HERPUD2: variants seen among roughly 807,000 people sequenced by gnomAD.
HERPUD2 encodes HERPUD family member 2.
A neutral mutation model predicts 49.9 loss-of-function variants in HERPUD2; 13 were observed. That is an observed-to-expected ratio of 0.26 (90% CI 0.17 to 0.41). The LOEUF (loss-of-function observed/expected upper bound fraction) is 0.41, where lower values mean the gene tolerates loss of function less well. Ranked by LOEUF, HERPUD2 falls within the 10% of genes least tolerant of loss-of-function variation. HERPUD2 has a pLI of 1.00. For missense variants in HERPUD2, 449 were observed against 492.2 expected (o/e 0.91, Z 0.83); for synonymous variants, 172 against 171.4 (o/e 1.00, Z -0.03).
intron 5 of HERPUD2, 131 bp from the exon 6 acceptor site, chr7:35,638,603 A>G (rs1281586890): frequency 2.2e-6 from 2 of 923,668 alleles, no homozygotes; most frequent in African/African-American, 1.7e-5. Flanking sequence ...AAAAATACTT[A>G]CTTTCAACGA....
At chr7:35,690,422 A>G (rs1786153246) in intron 2 of HERPUD2, among the ~76,000 whole-genome samples, 2 of 152,248 alleles carry the variant, frequency 1.3e-5, no homozygotes, top group South Asian at 4.1e-4. Flanking sequence ...CCCTTCACAG[A>G]TCATTAAGGA....
chr7:35,658,360 G>T (rs1785328753), intron 5 of HERPUD2, among the ~76,000 whole-genome samples: 1 of 152,158 alleles, frequency 6.6e-6, no homozygotes, highest in African/African-American at 2.4e-5. Context: ...AGGTGATGAA[G>T]GGAAGATGAA....
chr7:35,692,442 G>A (rs555392087), intron 2 of HERPUD2, among the ~76,000 whole-genome samples: 27 of 152,308 alleles, frequency 1.8e-4, no homozygotes, highest in African/African-American at 6.5e-4. Context: ...TATTATGGAA[G>A]TCTATGACTT....
chr7:35,640,153 T>C (rs1226816837), intron 5 of HERPUD2, among the ~76,000 whole-genome samples: 9 of 152,232 alleles, frequency 5.9e-5, no homozygotes, highest in Admixed American at 4.6e-4. Context: ...TTTGTACAAC[T>C]CAGCATTTAC....
chr7:35,667,507 A>G lies in HERPUD2; in HGVS notation c.421T>C (p.Leu141=). ...SLAVGSSSEG[L]RQRTLPQAQT... The stretch of plus-strand genomic sequence containing the variant: ...GCTTGTGGAAGGGTACGCTGCCTCA[A>G]TCCTTCTGAGGAAGAACCCACAGCT... Residue 141 remains leucine (L), a synonymous_variant, in exon 5 of 9, where the codon TTG becomes CTG. Coordinates refer to ENST00000311350, the MANE Select transcript of HERPUD2 (RefSeq NM_022373.5). The G allele has an allele frequency of 6.2e-7, 1 of 1,613,978 alleles. No homozygotes were observed. Among genetic ancestry groups the G allele is most frequent in the South Asian group, 1.1e-5 (1 of 91,072 alleles).
At chr7:35,646,203 G>A (rs1256716953) in intron 5 of HERPUD2, among the ~76,000 whole-genome samples, 4 of 152,054 alleles carry the variant, frequency 2.6e-5, no homozygotes, top group Non-Finnish European at 5.9e-5. Flanking sequence ...AACATTAAAT[G>A]AAAACATGTA....
At chr7:35,678,415 C>G (rs947604120) in intron 2 of HERPUD2, among the ~76,000 whole-genome samples, 5 of 152,124 alleles carry the variant, frequency 3.3e-5, no homozygotes, top group Non-Finnish European at 7.4e-5. Flanking sequence ...ATTCTCCTGC[C>G]TCAGCCTTCG....
chr7:35,691,826 T>C (rs1786195490), intron 2 of HERPUD2, among the ~76,000 whole-genome samples: 1 of 152,220 alleles, frequency 6.6e-6, no homozygotes, highest in Non-Finnish European at 1.5e-5. Context: ...TACCTATGGC[T>C]TTGCGATACC....
intron 5 of HERPUD2, among the ~76,000 whole-genome samples, chr7:35,638,743 C>T (rs560463721): frequency 2.0e-5 from 3 of 152,316 alleles, no homozygotes; most frequent in East Asian, 1.9e-4. Flanking sequence ...CCAATCTAAA[C>T]ATTTATTATC....
chr7:35,671,010 A>G (rs1451033759), intron 3 of HERPUD2, among the ~76,000 whole-genome samples: 1 of 152,072 alleles, frequency 6.6e-6, no homozygotes, highest in Admixed American at 6.6e-5. Context: ...AAAGGAAAGA[A>G]GGAATAAAGG....
At chr7:35,654,075 C>T (rs1407159508) in intron 5 of HERPUD2, among the ~76,000 whole-genome samples, 1 of 151,682 alleles carries the variant, frequency 6.6e-6, no homozygotes, top group Non-Finnish European at 1.5e-5. Flanking sequence ...AAAAGTGGTG[C>T]TAAGAGAGAT....
intron 5 of HERPUD2, among the ~76,000 whole-genome samples, chr7:35,657,173 CAAAT>C (rs1562675112): frequency 6.6e-6 from 1 of 151,890 alleles, no homozygotes; most frequent in African/African-American, 2.4e-5. Flanking sequence ...GTTAATAAAA[CAAAT>C]AATCCCATTA....
chr7:35,648,764 G>C (rs1356074126), intron 5 of HERPUD2, among the ~76,000 whole-genome samples: 3 of 152,124 alleles, frequency 2.0e-5, no homozygotes, highest in African/African-American at 7.2e-5. Flanking sequence ...AAACGGCCCT[G>C]AACTCAATCT....
chr7:35,684,157 C>T (rs181834290), intron 2 of HERPUD2, among the ~76,000 whole-genome samples: 205 of 151,484 alleles, frequency 1.4e-3, no homozygotes, highest in African/African-American at 4.6e-3. Flanking sequence ...GAGGCCGAGG[C>T]GGGTGGATCA....
intron 8 of HERPUD2, 110 bp from the exon 9 acceptor site, chr7:35,633,961 T>C (rs990812188): frequency 1.7e-6 from 2 of 1,151,838 alleles, no homozygotes; most frequent in Non-Finnish European, 2.4e-6. Context: ...GTGGTATGTA[T>C]GTGGTCATTA....
At chr7:35,684,998 T>C (rs965633447) in intron 2 of HERPUD2, among the ~76,000 whole-genome samples, 6 of 152,158 alleles carry the variant, frequency 3.9e-5, no homozygotes, top group Non-Finnish European at 1.5e-5. Context: ...CCCAGCACTT[T>C]GGGAGGCCAA....
At chr7:35,671,270 T>C (rs1382933367) in intron 3 of HERPUD2, among the ~76,000 whole-genome samples, 2 of 152,086 alleles carry the variant, frequency 1.3e-5, no homozygotes, top group East Asian at 1.9e-4. Context: ...GGTAGACTAG[T>C]GCACTACAGC....
chr7:35,648,459 A>G (rs994646669), intron 5 of HERPUD2, among the ~76,000 whole-genome samples: 1 of 152,162 alleles, frequency 6.6e-6, no homozygotes, highest in Admixed American at 6.5e-5. Flanking sequence ...ACACCAGAGA[A>G]ATCAGCAAAT....
In HERPUD2 at chr7:35,667,322, A is replaced by C. The variant is rs1457344459; in HGVS notation, c.494+112T>G. 8 of 976,004 alleles carry C rather than the reference A, an allele frequency of 8.2e-6. No individual in the cohort carries two copies. The East Asian group carries it at 2.0e-4, about 24-fold the overall frequency. The allele number at this position is 976,004 out of a possible 1,614,324, so 60.5% of individuals were successfully genotyped here. A position where few individuals can be genotyped will look rare whatever the true frequency, so the allele number is the denominator to read the frequency against. ...CTCAAAATACAAAATCAAATATATGAATAAATTTAAAATGTACTTTAATTA... is the reference window on the plus strand; with the variant it reads ...CTCAAAATACAAAATCAAATATATGCATAAATTTAAAATGTACTTTAATTA... On this transcript the variant is annotated intron_variant, in intron 5 of 8. Coordinates refer to ENST00000311350, the MANE Select transcript of HERPUD2 (RefSeq NM_022373.5).
Sources: allele counts gnomAD v4.1 joint callset (sites outside exome capture counted in the v4.1 genomes callset), GRCh38; gene constraint gnomAD v4.1.1; transcripts MANE v1.5; gene names NCBI Gene and HGNC (gene_info 2026-07-23, HGNC 2026-07-21).